ADAMTS17: variants seen among roughly 807,000 people sequenced by gnomAD.
The protein encoded by ADAMTS17 is ADAM metallopeptidase with thrombospondin type 1 motif 17.
ADAMTS17 carries 113 observed loss-of-function variants against 141.5 expected under a neutral mutation model. That is an observed-to-expected ratio of 0.80 (90% confidence interval 0.69 to 0.93). The LOEUF is 0.93. Ranked by LOEUF, ADAMTS17 falls within the 40% of genes least tolerant of loss-of-function variation. ADAMTS17 has a pLI of 0.00. For missense variants in ADAMTS17, 1,659 were observed against 1,517.9 expected, an observed-to-expected ratio of 1.09 and a Z score of -1.54; for synonymous variants, 768 against 630.6, an observed-to-expected ratio of 1.22 and a Z score of -3.27.
Position 100,341,063 on chromosome 15 carries a change from G to C in ADAMTS17, c.426C>G (p.Ser142Arg). 6.6e-7 allele frequency: 1 copy of C among 1,523,216 alleles called. No individual in the cohort carries two copies. Among genetic ancestry groups the C allele is most frequent in the Non-Finnish European group, 8.8e-7 (1 of 1,140,440 alleles). 94.4% of individuals were successfully genotyped at this position (1,523,216 alleles called of 1,614,324 possible). A position where few individuals can be genotyped will look rare whatever the true frequency, so the allele number is the denominator to read the frequency against. ...CCAGGCCGCCGGCGGCGCCGCAGGCGCTGAGCGAGACGAGGGAGCCGGGGT... is the reference window on the plus strand; with the variant it reads ...CCAGGCCGCCGGCGGCGCCGCAGGCCCTGAGCGAGACGAGGGAGCCGGGGT... ...LGHPGSLVSL[S>R]ACGAAGGLVG... The change falls in exon 2 of 22, where the codon AGC becomes AGG. Residue 142 changes from serine (S) to arginine (R), a missense_variant. By Grantham distance (110) the Ser-to-Arg change is moderately radical. Coordinates refer to ENST00000268070, the MANE Select transcript of ADAMTS17 (RefSeq NM_139057.4).
intron 18 of ADAMTS17, among the ~76,000 whole-genome samples, chr15:100,006,899 A>G (rs2061046855): frequency 6.6e-6 from 1 of 152,240 alleles, no homozygotes; most frequent in East Asian, 1.9e-4. Flanking sequence ...ACACCGCCCA[A>G]GCTCCAGAAA....
intron 3 of ADAMTS17, among the ~76,000 whole-genome samples, chr15:100,303,782 T>C (rs1207454272): frequency 6.6e-6 from 1 of 152,198 alleles, no homozygotes; most frequent in Non-Finnish European, 1.5e-5. Flanking sequence ...TGCAGTGGTG[T>C]GATCTCAGCT....
chr15:100,207,645 A>T (rs1567354504), intron 7 of ADAMTS17, among the ~76,000 whole-genome samples: 1 of 152,230 alleles, frequency 6.6e-6, no homozygotes. Flanking sequence ...GTAGAGAAGA[A>T]TAAAAAATAT....
chr15:100,288,011 T>C (rs1402834966), intron 3 of ADAMTS17, among the ~76,000 whole-genome samples: 5 of 152,230 alleles, frequency 3.3e-5, no homozygotes, highest in Non-Finnish European at 7.3e-5. Flanking sequence ...TATATATCGA[T>C]ATTAGCTTTG....
At chr15:100,228,428 C>T (rs142158045) in intron 7 of ADAMTS17, among the ~76,000 whole-genome samples, 116 of 152,276 alleles carry the variant, frequency 7.6e-4, no homozygotes, top group African/African-American at 2.4e-3. Flanking sequence ...TGGTACCATA[C>T]GCAAAGCCTG....
intron 7 of ADAMTS17, among the ~76,000 whole-genome samples, chr15:100,246,198 C>T (rs1474328227): frequency 6.6e-6 from 1 of 152,098 alleles, no homozygotes; most frequent in East Asian, 1.9e-4. Flanking sequence ...TTTCCTAAAG[C>T]CTCCACTTTT....
At chr15:99,982,111 T>C (rs1373542282) in intron 20 of ADAMTS17, among the ~76,000 whole-genome samples, 1 of 152,258 alleles carries the variant, frequency 6.6e-6, no homozygotes, top group East Asian at 1.9e-4. Context: ...TGTAGAATTG[T>C]TTCCTGCAGT....
At chr15:100,007,296 C>G (rs1196262437) in intron 18 of ADAMTS17, among the ~76,000 whole-genome samples, 1 of 152,118 alleles carries the variant, frequency 6.6e-6, no homozygotes, top group Non-Finnish European at 1.5e-5. Flanking sequence ...TGGTCCACAC[C>G]TTAAGGCTGG....
intron 3 of ADAMTS17, among the ~76,000 whole-genome samples, chr15:100,302,925 G>A (rs1355337781): frequency 6.6e-6 from 1 of 151,920 alleles, no homozygotes; most frequent in Non-Finnish European, 1.5e-5. Context: ...AACTGGCCTG[G>A]CCTCCCAGCC....
At chr15:100,274,535 C>T (rs1305704251) in intron 4 of ADAMTS17, among the ~76,000 whole-genome samples, 1 of 152,172 alleles carries the variant, frequency 6.6e-6, no homozygotes, top group African/African-American at 2.4e-5. Flanking sequence ...TCTATCCTTT[C>T]ACTTTCAACC....
chr15:100,143,239 T>A (rs989131583), intron 10 of ADAMTS17, among the ~76,000 whole-genome samples: 1 of 152,176 alleles, frequency 6.6e-6, no homozygotes, highest in African/African-American at 2.4e-5. Flanking sequence ...GCTCCTTCTC[T>A]AGCAGCAATA....
rs543567130 is a variant in ADAMTS17 at position 100,291,540 on chromosome 15, G to A, written c.617-10139C>T. Among the ~76,000 whole-genome samples, 38 of 152,208 alleles carry A rather than the reference G, an allele frequency of 2.5e-4. 1 individual carries two copies. Among genetic ancestry groups the A allele is most frequent in the South Asian group, 1.2e-3 (6 of 4,824 alleles). On this transcript the variant is annotated intron_variant, in intron 3 of 21. Transcript: ENST00000268070. ...CATTCTAACAGGATGACCCATGCAC[G>A]TGTATGTTCATCACAGCACGATTCA...
At chr15:100,295,053 C>T (rs567877444) in intron 3 of ADAMTS17, among the ~76,000 whole-genome samples, 1 of 152,230 alleles carries the variant, frequency 6.6e-6, no homozygotes, top group South Asian at 2.1e-4. Context: ...ACCACAATTG[C>T]AGCATGAAAA....
rs1462935695 is a variant in ADAMTS17, at chr15:100,196,862, C to T, written c.1181+2456G>A. ...TCATCCTCAGGGATCTGCTTCCCAA[C>T]ACTTGCGACTAATCAAAGACTTCCC... is the stretch of plus-strand genomic sequence containing the variant. On this transcript the variant is annotated intron_variant, in intron 8 of 21. Transcript: ENST00000268070. Among the ~76,000 whole-genome samples, 3 of 152,224 alleles carry T rather than the reference C, an allele frequency of 2.0e-5. 1 individual carries two copies. Among genetic ancestry groups the T allele is most frequent in the African/African-American group, 7.2e-5 (3 of 41,454 alleles).
intron 10 of ADAMTS17, among the ~76,000 whole-genome samples, chr15:100,148,572 C>T (rs1021366597): frequency 6.6e-6 from 1 of 151,848 alleles, no homozygotes; most frequent in African/African-American, 2.4e-5. Flanking sequence ...TTCACTTACA[C>T]TGCTTCTAAT....
rs79300400 is a variant in ADAMTS17 at position 100,028,466 on chromosome 15, G to A, written c.2591+20391C>T. 8.8e-3 allele frequency among the ~76,000 whole-genome samples: 1,337 copies of A among 152,320 alleles called. 21 individuals carry two copies. Among genetic ancestry groups the A allele is most frequent in the African/African-American group, 0.031 (1,296 of 41,554 alleles). On this transcript the variant is annotated intron_variant, in intron 18 of 21. Transcript: ENST00000268070. Reference sequence around the variant, plus strand: ...GAGATGACAGCTGTAAAGTTCTGTAGCATCTTGGATTGGATTTTGTCCTGG... The same window carrying A: ...GAGATGACAGCTGTAAAGTTCTGTAACATCTTGGATTGGATTTTGTCCTGG...
chr15:99,977,386 ATATATATATATATAATT>A (rs2060377732), intron 20 of ADAMTS17, among the ~76,000 whole-genome samples: 12 of 11,476 alleles, frequency 1.0e-3, no homozygotes, highest in African/African-American at 4.1e-3. Flanking sequence ...ATATATATAT[ATATATATATATATAATT>A]TTTTTTTTTT....
In ADAMTS17 at chr15:100,053,827, C is replaced by G. The variant is rs1567093453; in HGVS notation, c.2295+70G>C. 13 of 1,613,108 alleles carry G rather than the reference C, an allele frequency of 8.1e-6. No individual in the cohort carries two copies. In the South Asian group the frequency reaches 1.4e-4, roughly 18 times the overall value. ...CCCCGAGGTCCCAGGCAGAAGTAAA[C>G]TGGAAAGTAACCTAGTAGACCTCTC... On this transcript the variant is annotated intron_variant, in intron 16 of 21. Transcript: ENST00000268070.
intron 4 of ADAMTS17, among the ~76,000 whole-genome samples, chr15:100,268,626 C>T (rs546389248): frequency 1.3e-5 from 2 of 152,256 alleles, no homozygotes; most frequent in African/African-American, 4.8e-5. Context: ...TTTTTGCACA[C>T]TTTTTAATGG....
Sources: allele counts gnomAD v4.1 joint callset (sites outside exome capture counted in the v4.1 genomes callset), GRCh38; gene constraint gnomAD v4.1.1; transcripts MANE v1.5; gene names NCBI Gene and HGNC (gene_info 2026-07-23, HGNC 2026-07-21).